NALF1: variants seen among roughly 807,000 people sequenced by gnomAD.
NALF1 encodes NALCN channel auxiliary factor 1, also known as family with sequence similarity 155 member A.
NALF1 carries 3 observed loss-of-function variants against 48.4 expected under a neutral mutation model. The observed-to-expected ratio is 0.06, with a 90% CI of 0.03 to 0.16. The LOEUF (loss-of-function observed/expected upper bound fraction) is 0.16. NALF1 is among the 10% of genes least tolerant of loss of function. The probability of loss-of-function intolerance (pLI) is 1.00; values close to 1 mark genes in which losing one functional copy is unlikely to be tolerated. For missense variants in NALF1, 526 were observed against 571.5 expected (o/e 0.92, Z 0.81); for synonymous variants, 262 against 245.7 (o/e 1.07, Z -0.62).
intron 1 of NALF1, among the ~76,000 whole-genome samples, chr13:107,520,154 T>A (rs1014139274): frequency 6.6e-6 from 1 of 152,134 alleles, no homozygotes; most frequent in African/African-American, 2.4e-5. Flanking sequence ...ACTTTTAACA[T>A]TGTTTTTGGG....
At chr13:107,388,553 C>T (rs1234574697) in intron 1 of NALF1, among the ~76,000 whole-genome samples, 1 of 152,140 alleles carries the variant, frequency 6.6e-6, no homozygotes, top group Non-Finnish European at 1.5e-5. Flanking sequence ...GACCTCAGTG[C>T]CACACAAGAC....
intron 1 of NALF1, among the ~76,000 whole-genome samples, chr13:107,816,653 G>T (rs1351939041): frequency 6.6e-6 from 1 of 152,028 alleles, no homozygotes; most frequent in Non-Finnish European, 1.5e-5. Flanking sequence ...TTATATAACA[G>T]TAAAGATGGT....
Position 107,167,295 on chromosome 13 carries a change from G to A in NALF1, c.*3202C>T, listed in dbSNP as rs914836028. 1 of 152,144 alleles carries A rather than the reference G, an allele frequency of 6.6e-6. No homozygotes were observed. The highest frequency in any genetic ancestry group is 1.5e-5 in the Non-Finnish European group (1 of 68,014). The allele number at this position is 152,144 out of a possible 1,614,324, so 9.4% of individuals were successfully genotyped here. On this transcript the variant is annotated 3_prime_UTR_variant, in exon 3 of 3. Coordinates refer to ENST00000375915, the MANE Select transcript of NALF1 (RefSeq NM_001080396.3). ...CAAGATGATGATTACAAAGGAGCAG[G>A]GGCTGAACTTATTTGTTCAAAATGA... is the stretch of plus-strand genomic sequence containing the variant.
At chr13:107,270,994 G>A (rs1881153838) in intron 1 of NALF1, among the ~76,000 whole-genome samples, 1 of 152,124 alleles carries the variant, frequency 6.6e-6, no homozygotes, top group Non-Finnish European at 1.5e-5. Context: ...AAATGTTAAA[G>A]GCAGTATCAG....
rs532446785 is a variant in NALF1 at position 107,474,321 on chromosome 13, T to C, written c.916-263566A>G. On this transcript the variant is annotated intron_variant, in intron 1 of 2. Coordinates refer to ENST00000375915, the MANE Select transcript of NALF1 (RefSeq NM_001080396.3). Reference sequence around the variant, plus strand: ...GTGGTCCAAACACAAGATAGAACTATATTTCATACTATCATCCAGAAACTG... The same window carrying C: ...GTGGTCCAAACACAAGATAGAACTACATTTCATACTATCATCCAGAAACTG... Among the ~76,000 whole-genome samples, 3 of 152,284 alleles carry C rather than the reference T, an allele frequency of 2.0e-5. No homozygotes were observed. In the East Asian group the frequency reaches 5.8e-4, roughly 29 times the overall value.
intron 1 of NALF1, among the ~76,000 whole-genome samples, chr13:107,231,544 T>A (rs1183814398): frequency 2.0e-5 from 3 of 152,190 alleles, no homozygotes; most frequent in African/African-American, 7.2e-5. Flanking sequence ...CAAATCTATG[T>A]CCCATATTTT....
intron 2 of NALF1, among the ~76,000 whole-genome samples, chr13:107,203,085 T>TA (rs1223986314): frequency 6.6e-6 from 1 of 152,228 alleles, no homozygotes; most frequent in Non-Finnish European, 1.5e-5. Flanking sequence ...CATAAATTCT[T>TA]ACAAAGAATT....
At chr13:107,754,115 G>A (rs1480118977) in intron 1 of NALF1, among the ~76,000 whole-genome samples, 1 of 152,120 alleles carries the variant, frequency 6.6e-6, no homozygotes, top group Non-Finnish European at 1.5e-5. Flanking sequence ...GGTTTGCTAG[G>A]TGTGATACAA....
At chr13:107,830,754 C>G (rs1879695009) in intron 1 of NALF1, among the ~76,000 whole-genome samples, 1 of 152,164 alleles carries the variant, frequency 6.6e-6, no homozygotes, top group South Asian at 2.1e-4. Context: ...CCACAGGCCT[C>G]CAAAGGGAGG....
At position 107,734,411 on chromosome 13, in the gene NALF1, C is replaced by A. The variant is rs4772916; in HGVS notation, c.915+131271G>T. ...TGGGTATTTTTCCTTTAAAAAAAAA[C>A]ACACACACACACACACACACAATGG... is the stretch of plus-strand genomic sequence containing the variant. On this transcript the variant is annotated intron_variant, in intron 1 of 2. Coordinates refer to ENST00000375915, the MANE Select transcript of NALF1 (RefSeq NM_001080396.3). Among the ~76,000 whole-genome samples the A allele has an allele frequency of 3.0e-3, 438 of 144,874 alleles. 2 individuals are homozygous for A. Among genetic ancestry groups the A allele is most frequent in the African/African-American group, 0.011 (415 of 38,502 alleles).
At chr13:107,865,600 A>G (rs1880690776) in intron 1 of NALF1, 82 bp downstream of exon 1, 2 of 1,516,304 alleles carry the variant, frequency 1.3e-6, no homozygotes, top group Non-Finnish European at 1.8e-6. Flanking sequence ...CCAAAAAATA[A>G]TAATAATAAA....
At chr13:107,527,864 CCT>C (rs1211793544) in intron 1 of NALF1, among the ~76,000 whole-genome samples, 2 of 152,098 alleles carry the variant, frequency 1.3e-5, no homozygotes, top group Admixed American at 1.3e-4. Context: ...GTCCCTTAAA[CCT>C]CTTTTTCCTT....
At chr13:107,842,093 T>C (rs1396497563) in intron 1 of NALF1, among the ~76,000 whole-genome samples, 2 of 152,062 alleles carry the variant, frequency 1.3e-5, no homozygotes, top group East Asian at 1.9e-4. Flanking sequence ...TTTTAGCCAA[T>C]TTAACCTCGA....
At chr13:107,823,936 G>C (rs1303566347) in intron 1 of NALF1, among the ~76,000 whole-genome samples, 2 of 151,900 alleles carry the variant, frequency 1.3e-5, no homozygotes, top group Non-Finnish European at 2.9e-5. Context: ...AGTGTTTCTT[G>C]TAGTGCTGGC....
At chr13:107,663,551 A>C (rs1880782024) in intron 1 of NALF1, among the ~76,000 whole-genome samples, 1 of 152,178 alleles carries the variant, frequency 6.6e-6, no homozygotes, top group Admixed American at 6.6e-5. Context: ...TTTTGTTGTC[A>C]TTGTTGTTTT....
At chr13:107,611,733 G>GA (rs537161679) in intron 1 of NALF1, among the ~76,000 whole-genome samples, 4 of 150,462 alleles carry the variant, frequency 2.7e-5, no homozygotes, top group South Asian at 2.1e-4. Flanking sequence ...GTAAAAAGAA[G>GA]AAAAAAAAGC....
intron 1 of NALF1, among the ~76,000 whole-genome samples, chr13:107,805,209 A>C (rs1878740367): frequency 6.6e-6 from 1 of 152,180 alleles, no homozygotes; most frequent in South Asian, 2.1e-4. Context: ...CATTAAGTAC[A>C]TTTTACTGTA....
At chr13:107,603,833 G>A (rs1001564971) in intron 1 of NALF1, among the ~76,000 whole-genome samples, 1 of 152,064 alleles carries the variant, frequency 6.6e-6, no homozygotes, top group African/African-American at 2.4e-5. Flanking sequence ...CTTTTTGCAC[G>A]TTTAGACACT....
intron 1 of NALF1, among the ~76,000 whole-genome samples, chr13:107,640,305 A>C (rs976589039): frequency 9.9e-5 from 15 of 152,212 alleles, no homozygotes; most frequent in African/African-American, 1.4e-4. Context: ...TGTACAGCTA[A>C]ACTGATGAGA....
Sources: allele counts gnomAD v4.1 joint callset (sites outside exome capture counted in the v4.1 genomes callset), GRCh38; gene constraint gnomAD v4.1.1; transcripts MANE v1.5; gene names NCBI Gene and HGNC (gene_info 2026-07-23, HGNC 2026-07-21).